COL21A1: variants seen among roughly 807,000 people sequenced by gnomAD.
COL21A1 encodes the protein collagen type XXI alpha 1 chain.
COL21A1 carries 149 observed loss-of-function variants against 137.9 expected under a neutral mutation model. The observed-to-expected ratio is 1.08, with a 90% confidence interval of 0.95 to 1.24. The LOEUF is 1.24. COL21A1 is among the 50% of genes most tolerant of loss of function. COL21A1 has a pLI of 0.00. For synonymous variants in COL21A1, 456 were observed against 391.5 expected (o/e 1.16, Z -1.95); for missense variants, 1,167 against 1,158.4 (o/e 1.01, Z -0.11).
intron 1 of COL21A1, among the ~76,000 whole-genome samples, chr6:56,324,371 C>T (rs893478559): frequency 9.2e-5 from 14 of 152,072 alleles, no homozygotes; most frequent in African/African-American, 3.1e-4. Flanking sequence ...AAGAGGTCTC[C>T]AGCCACCACA....
At chr6:56,061,122 TATGC>T in intron 25 of COL21A1, 85 bp from the exon 26 acceptor site, 3 of 1,091,032 alleles carry the variant, frequency 2.7e-6, no homozygotes, top group Non-Finnish European at 3.9e-6. Context: ...AGGATGTGAA[TATGC>T]ATGTATACAT....
At position 56,121,518 on chromosome 6, in the gene COL21A1, A is replaced by T. The variant is rs565790956; in HGVS notation, c.1758+2544T>A. Among the ~76,000 whole-genome samples, 803 of 116,052 alleles carry T rather than the reference A, an allele frequency of 6.9e-3. 10 individuals carry two copies. Among genetic ancestry groups the T allele is most frequent in the African/African-American group, 0.024 (773 of 32,478 alleles). 76.1% of individuals were successfully genotyped at this position (116,052 alleles called of 152,430 possible). A position where few individuals can be genotyped will look rare whatever the true frequency, so the allele number is the denominator to read the frequency against. ...TATATGTATATTCATATGTGTATAT[A>T]TATATACATATACATATATATGTAT... is the stretch of plus-strand genomic sequence containing the variant. On this transcript the variant is annotated intron_variant, in intron 16 of 29. Transcript: ENST00000244728.
chr6:56,129,437 G>A (rs1267171365), intron 12 of COL21A1, among the ~76,000 whole-genome samples: 1 of 152,122 alleles, frequency 6.6e-6, no homozygotes, highest in African/African-American at 2.4e-5. Flanking sequence ...GTGCCTGAAT[G>A]ACTTTGTAGA....
chr6:56,355,888 A>G (rs557859417), intron 1 of COL21A1, among the ~76,000 whole-genome samples: 15 of 152,322 alleles, frequency 9.8e-5, no homozygotes, highest in Non-Finnish European at 2.2e-4. Flanking sequence ...TAAAAGAAAA[A>G]GAACTCATTA....
At chr6:56,223,821 A>G (rs977875540) in intron 1 of COL21A1, among the ~76,000 whole-genome samples, 1 of 152,122 alleles carries the variant, frequency 6.6e-6, no homozygotes, top group African/African-American at 2.4e-5. Flanking sequence ...CCTTATGAGA[A>G]GTAAATTAAT....
chr6:56,107,018 A>C (rs1417958987), intron 16 of COL21A1, among the ~76,000 whole-genome samples: 1 of 151,962 alleles, frequency 6.6e-6, no homozygotes, highest in Non-Finnish European at 1.5e-5. Context: ...CGATCTCCTA[A>C]CCTCATGATC....
In COL21A1 at chr6:56,072,885, TAATTGTACAAGCACAAGATGC is replaced by T. The variant is rs528536588; in HGVS notation, c.1965+1326_1965+1346del. Among the ~76,000 whole-genome samples, 303 of 151,656 alleles carry T rather than the reference TAATTGTACAAGCACAAGATGC, an allele frequency of 2.0e-3. 2 individuals carry two copies. Among genetic ancestry groups the T allele is most frequent in the African/African-American group, 6.8e-3 (283 of 41,456 alleles). ...CTTCTTAGATCTATTTTTAACAAAA[TAATTGTACAAGCACAAGATGC>T]AGAAAACCAACTTTAGAGTAATTCA... On this transcript the variant is annotated intron_variant, in intron 20 of 29. Coordinates refer to ENST00000244728, the MANE Select transcript of COL21A1 (RefSeq NM_030820.4).
chr6:56,285,602 C>T (rs564409853), intron 1 of COL21A1, among the ~76,000 whole-genome samples: 10 of 152,208 alleles, frequency 6.6e-5, no homozygotes, highest in African/African-American at 2.2e-4. Flanking sequence ...GAAGAAAACA[C>T]GCCCAAAAGA....
At chr6:56,214,819 A>G (rs1212799813) in intron 1 of COL21A1, among the ~76,000 whole-genome samples, 3 of 152,058 alleles carry the variant, frequency 2.0e-5, no homozygotes, top group Non-Finnish European at 4.4e-5. Flanking sequence ...ACCCTTATTT[A>G]AGCACTTCAT....
chr6:56,262,343 G>A (rs1052589456), intron 1 of COL21A1, among the ~76,000 whole-genome samples: 1 of 152,108 alleles, frequency 6.6e-6, no homozygotes, highest in Non-Finnish European at 1.5e-5. Flanking sequence ...AATACTGTAA[G>A]TATCTACTCC....
intron 1 of COL21A1, among the ~76,000 whole-genome samples, chr6:56,235,278 A>C (rs1781827904): frequency 2.0e-5 from 3 of 151,918 alleles, no homozygotes; most frequent in Admixed American, 6.6e-5. Flanking sequence ...GAAGTTTAAA[A>C]ACAATTGTGA....
chr6:56,064,504 G>A lies in COL21A1; in HGVS notation c.2172+74C>T. ...TCTCCCCACCCATTTTTATTTGCAA[G>A]TAATCCTCTCTCAGCATTGTCCAGT... On this transcript the variant is annotated intron_variant, in intron 24 of 29. Coordinates refer to ENST00000244728, the MANE Select transcript of COL21A1 (RefSeq NM_030820.4). The A allele has an allele frequency of 3.9e-6, 4 of 1,023,638 alleles. No individual in the cohort carries two copies. The Admixed American group carries it at 8.6e-5, about 22-fold the overall frequency. 63.4% of individuals were successfully genotyped at this position (1,023,638 alleles called of 1,614,324 possible).
chr6:56,086,934 CAT>C (rs1768307703), intron 17 of COL21A1, among the ~76,000 whole-genome samples: 1 of 152,144 alleles, frequency 6.6e-6, no homozygotes. Flanking sequence ...GTCTTCTTCC[CAT>C]AGTCTGGCAC....
chr6:56,261,549 C>G (rs1018204370), intron 1 of COL21A1, among the ~76,000 whole-genome samples: 1 of 152,122 alleles, frequency 6.6e-6, no homozygotes, highest in African/African-American at 2.4e-5. Flanking sequence ...ATCTGTGGAC[C>G]GGAGAGCAAG....
At chr6:56,061,758 T>A (rs1209780301) in intron 24 of COL21A1, 77 bp from the exon 25 acceptor site, 1 of 914,902 alleles carries the variant, frequency 1.1e-6, no homozygotes, top group Admixed American at 2.6e-5. Flanking sequence ...TTTTACCACA[T>A]ACTTAATTAA....
chr6:56,080,672 A>T (rs1460242386), intron 17 of COL21A1, among the ~76,000 whole-genome samples: 2 of 151,862 alleles, frequency 1.3e-5, no homozygotes, highest in African/African-American at 4.8e-5. Flanking sequence ...TCACTAAAAA[A>T]GATCTAAACT....
In COL21A1 at chr6:56,057,677, T is replaced by C; in HGVS notation, c.2854A>G (p.Arg952Gly). 3 of 1,613,234 alleles carry C rather than the reference T, an allele frequency of 1.9e-6. No homozygotes were observed. Among genetic ancestry groups the C allele is most frequent in the Non-Finnish European group, 2.5e-6 (3 of 1,179,568 alleles). The stretch of plus-strand genomic sequence containing the variant: ...AGACACTAATAGTTTGGTCCTTTTC[T>C]GAACGGATCTCTTCTGGCAATTACA... ...FSVIARRDPF[R>G]KGPNY The change falls in exon 30 of 30, where the codon AGA (arginine) becomes GGA (glycine). Residue 952 changes from arginine to glycine, a missense_variant. By Grantham distance (125) the Arg-to-Gly change is moderately radical (BLOSUM62 -2). Coordinates refer to ENST00000244728, the MANE Select transcript of COL21A1 (RefSeq NM_030820.4).
intron 1 of COL21A1, among the ~76,000 whole-genome samples, chr6:56,242,937 G>A (rs1195212644): frequency 6.6e-6 from 1 of 152,100 alleles, no homozygotes; most frequent in Non-Finnish European, 1.5e-5. Context: ...AACATTATCT[G>A]ATTTTTTGGA....
intron 1 of COL21A1, among the ~76,000 whole-genome samples, chr6:56,237,691 G>A (rs1562013748): frequency 6.6e-6 from 1 of 152,216 alleles, no homozygotes; most frequent in East Asian, 1.9e-4. Flanking sequence ...AATGTCGAAT[G>A]TGAAATTACA....
Sources: gnomAD v4.1 joint callset for allele counts (sites outside exome capture counted in the v4.1 genomes callset) on GRCh38, gnomAD v4.1.1 for gene constraint, MANE v1.5 for transcripts, NCBI Gene and HGNC (gene_info 2026-07-23, HGNC 2026-07-21) for gene names.